USP8: variants seen among roughly 807,000 people sequenced by gnomAD.
USP8 encodes ubiquitin specific peptidase 8.
In USP8, 27 loss-of-function variants were observed where a neutral mutation model predicts 130.0. The observed-to-expected ratio is 0.21, with a 90% CI of 0.15 to 0.29. The LOEUF (loss-of-function observed/expected upper bound fraction) is 0.29, where lower values mean the gene tolerates loss of function less well. Ranked by LOEUF, USP8 falls within the 10% of genes least tolerant of loss-of-function variation. The probability of loss-of-function intolerance (pLI) is 1.00; values close to 1 mark genes in which losing one functional copy is unlikely to be tolerated. For missense variants in USP8, 1,029 were observed against 1,312.2 expected, an observed-to-expected ratio of 0.78 and a Z score of 3.33; for synonymous variants, 392 against 444.1, an observed-to-expected ratio of 0.88 and a Z score of 1.48.
intron 4 of USP8, among the ~76,000 whole-genome samples, chr15:50,453,160 T>C (rs952833772): frequency 6.6e-6 from 1 of 152,246 alleles, no homozygotes; most frequent in Non-Finnish European, 1.5e-5. Context: ...GATTTGAGAA[T>C]CCATTATCCC....
rs1470845763 is a variant in USP8 at position 50,440,690 on chromosome 15, C to T, written c.105-659C>T. 2.6e-5 allele frequency among the ~76,000 whole-genome samples: 4 copies of T among 152,156 alleles called. No homozygotes were observed. The South Asian group carries it at 8.3e-4, about 32-fold the overall frequency. ...TGGTCGACAGTGACAGATCATCAGGCCTTAGATTCTCATAAAGAATGCGCA... is the reference window on the plus strand; with the variant it reads ...TGGTCGACAGTGACAGATCATCAGGTCTTAGATTCTCATAAAGAATGCGCA... On this transcript the variant is annotated intron_variant, in intron 2 of 19. Coordinates refer to ENST00000307179, the MANE Select transcript of USP8 (RefSeq NM_005154.5).
intron 5 of USP8, among the ~76,000 whole-genome samples, chr15:50,461,882 G>A (rs1327170791): frequency 6.6e-6 from 1 of 151,972 alleles, no homozygotes; most frequent in East Asian, 1.9e-4. Flanking sequence ...AACTACATAA[G>A]CAATACTTTG....
chr15:50,444,799 C>G (rs2050371648), intron 3 of USP8, among the ~76,000 whole-genome samples: 1 of 152,162 alleles, frequency 6.6e-6, no homozygotes, highest in Non-Finnish European at 1.5e-5. Flanking sequence ...TTCCGTCACC[C>G]AGGTTGGAGT....
intron 15 of USP8, chr15:50,493,275 A>T: frequency 1.9e-6 from 1 of 513,684 alleles, no homozygotes; most frequent in East Asian, 5.3e-5. Context: ...CAACACCTGA[A>T]TTTTGGAATA....
chr15:50,445,352 C>T (rs2050391241), intron 3 of USP8, among the ~76,000 whole-genome samples: 1 of 148,732 alleles, frequency 6.7e-6, no homozygotes, highest in African/African-American at 2.5e-5. Context: ...TTGAGACCAG[C>T]CTGGCCAACA....
chr15:50,503,050 T>TA lies in USP8; in HGVS notation c.*3966dup, dbSNP rs1216696877. ...AATAGAAATATCTGAAATTCACATT[T>TA]AAAAGATCAAGGTTCCGCCAGGCCT... On this transcript the variant is annotated 3_prime_UTR_variant, in exon 20 of 20. Coordinates refer to ENST00000307179, the MANE Select transcript of USP8 (RefSeq NM_005154.5). 1 of 152,186 alleles carries TA rather than the reference T, an allele frequency of 6.6e-6. No homozygotes were observed. The highest frequency in any genetic ancestry group is 1.5e-5 in the Non-Finnish European group (1 of 68,056). The allele number at this position is 152,186 out of a possible 1,614,324, so 9.4% of individuals were successfully genotyped here.
chr15:50,489,935 ATTTG>A, intron 13 of USP8, 54 bp downstream of exon 13: 4 of 1,409,312 alleles, frequency 2.8e-6, no homozygotes, highest in Non-Finnish European at 3.9e-6. Context: ...AAAATGTTTT[ATTTG>A]TTTATTTTAC....
chr15:50,447,543 C>G (rs755199594), intron 3 of USP8, among the ~76,000 whole-genome samples: 1 of 151,836 alleles, frequency 6.6e-6, no homozygotes, highest in Non-Finnish European at 1.5e-5. Context: ...ACCCAGCCTA[C>G]TGTTAGTTTT....
chr15:50,449,218 T>G (rs1458620315), intron 3 of USP8, among the ~76,000 whole-genome samples, 182 bp from the exon 4 acceptor site: 1 of 152,226 alleles, frequency 6.6e-6, no homozygotes, highest in Non-Finnish European at 1.5e-5. Context: ...TATGAAGACA[T>G]ACTTTTGAGA....
Position 50,450,115 on chromosome 15 carries a change from G to A in USP8, c.335+630G>A, listed in dbSNP as rs544046536. On this transcript the variant is annotated intron_variant, in intron 4 of 19. Coordinates refer to ENST00000307179, the MANE Select transcript of USP8 (RefSeq NM_005154.5). The stretch of plus-strand genomic sequence containing the variant: ...TCACTGTGTTAGCCAGGATGGTCTC[G>A]AGCTCCTGACCTCAAGTGATCCGCC... Among the ~76,000 whole-genome samples, 11 of 151,004 alleles carry A rather than the reference G, an allele frequency of 7.3e-5. No homozygotes were observed. In the South Asian group the frequency reaches 2.1e-3, roughly 29 times the overall value.
At chr15:50,483,756 T>C (rs946421289) in intron 11 of USP8, among the ~76,000 whole-genome samples, 4 of 151,138 alleles carry the variant, frequency 2.6e-5, no homozygotes, top group Non-Finnish European at 1.5e-5. Context: ...ATCGTGCCAC[T>C]GCACTCCAGC....
At chr15:50,465,270 A>C in intron 7 of USP8, 79 bp downstream of exon 7, 1 of 1,447,286 alleles carries the variant, frequency 6.9e-7, no homozygotes, top group Non-Finnish European at 9.2e-7. Context: ...ACTACTTAGC[A>C]TCCAAGCTAA....
At chr15:50,424,844 A>C (rs2049653072) in intron 1 of USP8, among the ~76,000 whole-genome samples, 1 of 148,392 alleles carries the variant, frequency 6.7e-6, no homozygotes, top group Admixed American at 6.8e-5. Context: ...TTTTTTCTGC[A>C]ATCTGCCTAC....
intron 12 of USP8, among the ~76,000 whole-genome samples, chr15:50,487,167 T>C (rs2051993940): frequency 6.6e-6 from 1 of 150,712 alleles, no homozygotes; most frequent in African/African-American, 2.4e-5. Context: ...AAATATCACC[T>C]GTACCCCAAT....
intron 1 of USP8, among the ~76,000 whole-genome samples, chr15:50,434,607 G>A (rs551286517): frequency 6.6e-6 from 1 of 151,672 alleles, no homozygotes; most frequent in South Asian, 2.1e-4. Context: ...TGAAGCATAA[G>A]TTTTGCTTTG....
Position 50,511,613 on chromosome 15 carries a change from G to A in USP8, c.*12525G>A, listed in dbSNP as rs2052739538. ...AAAAAGGAATGAAGTACAGATACAT[G>A]CTATGACATGAATGAAACTTGAAAA... On this transcript the variant is annotated 3_prime_UTR_variant, in exon 20 of 20. Transcript: ENST00000307179. 1 of 152,230 alleles carries A rather than the reference G, an allele frequency of 6.6e-6. No homozygotes were observed. The highest frequency in any genetic ancestry group is 1.5e-5 in the Non-Finnish European group (1 of 68,052). The allele number at this position is 152,230 out of a possible 1,614,324, so 9.4% of individuals were successfully genotyped here. A position where few individuals can be genotyped will look rare whatever the true frequency, so the allele number is the denominator to read the frequency against.
intron 3 of USP8, among the ~76,000 whole-genome samples, chr15:50,448,183 GC>G (rs1353309357): frequency 1.3e-5 from 2 of 152,152 alleles, no homozygotes; most frequent in Non-Finnish European, 1.5e-5. Context: ...ATGACTGAGA[GC>G]CAAAGATAGG....
At chr15:50,446,252 T>A (rs1225382597) in intron 3 of USP8, among the ~76,000 whole-genome samples, 3 of 152,202 alleles carry the variant, frequency 2.0e-5, no homozygotes, top group Non-Finnish European at 4.4e-5. Flanking sequence ...ATTGAAATTT[T>A]GGAAGTATTT....
In USP8 at chr15:50,490,493, A is replaced by C. The variant is rs771511650; in HGVS notation, c.2202A>C (p.Pro734=). ...TTCAAGAGGAAGAGAAGAGGAAGCC[A>C]ACAGTAACTCCAACAGTTAATCGGG... The part of the protein sequence containing the change: ...QAIQEEEKRK[P]TVTPTVNREN... Residue 734 remains proline, a synonymous_variant, in exon 14 of 20, where the codon CCA becomes CCC. Coordinates refer to ENST00000307179, the MANE Select transcript of USP8 (RefSeq NM_005154.5). The C allele has an allele frequency of 6.2e-7, 1 of 1,614,172 alleles. No homozygotes were observed. Among genetic ancestry groups the C allele is most frequent in the Non-Finnish European group, 8.5e-7 (1 of 1,180,038 alleles).
Sources: gnomAD v4.1 joint callset for allele counts (sites outside exome capture counted in the v4.1 genomes callset) on GRCh38, gnomAD v4.1.1 for gene constraint, MANE v1.5 for transcripts, NCBI Gene and HGNC (gene_info 2026-07-23, HGNC 2026-07-21) for gene names.